The following GRAMD1B variants were observed in gnomAD, a reference collection of about 807,000 sequenced individuals.
GRAMD1B encodes the protein GRAM domain containing 1B, also known as protein Aster-B.
GRAMD1B carries 37 observed loss-of-function variants against 99.7 expected under a neutral mutation model. The ratio of observed to expected loss-of-function variants is 0.37; its 90% CI spans 0.29 to 0.49. The LOEUF (loss-of-function observed/expected upper bound fraction) is 0.49, where lower values mean the gene tolerates loss of function less well. Ranked by LOEUF, GRAMD1B falls within the 20% of genes least tolerant of loss-of-function variation. The probability of loss-of-function intolerance (pLI) is 0.98; values close to 1 mark genes in which losing one functional copy is unlikely to be tolerated. For synonymous variants in GRAMD1B, 427 were observed against 387.6 expected, an observed-to-expected ratio of 1.10 and a Z score of -1.19; for missense variants, 888 against 1,009.2, an observed-to-expected ratio of 0.88 and a Z score of 1.63.
At chr11:123,582,372 C>G (rs558593818) in intron 3 of GRAMD1B, among the ~76,000 whole-genome samples, 1 of 152,308 alleles carries the variant, frequency 6.6e-6, no homozygotes, top group Non-Finnish European at 1.5e-5. Flanking sequence ...GTGGCCGCAC[C>G]TTTGTCAGGA....
At chr11:123,551,832 A>G (rs1945644347) in intron 2 of GRAMD1B, among the ~76,000 whole-genome samples, 1 of 152,078 alleles carries the variant, frequency 6.6e-6, no homozygotes, top group Admixed American at 6.6e-5. Flanking sequence ...CCAGTAGGTG[A>G]GACTCTGAGT....
intron 1 of GRAMD1B, among the ~76,000 whole-genome samples, chr11:123,417,003 A>G (rs1948252499): frequency 6.6e-6 from 1 of 152,246 alleles, no homozygotes; most frequent in Admixed American, 6.5e-5. Flanking sequence ...AACCCTTGTA[A>G]TTCACTTATG....
At chr11:123,599,015 G>T in intron 7 of GRAMD1B, 1 of 1,106,832 alleles carries the variant, frequency 9.0e-7, no homozygotes, top group Non-Finnish European at 1.4e-6. Flanking sequence ...TGTACTTGAG[G>T]CAACAGTCAT....
chr11:123,466,613 T>C (rs1950695159), intron 1 of GRAMD1B, among the ~76,000 whole-genome samples: 1 of 152,128 alleles, frequency 6.6e-6, no homozygotes, highest in South Asian at 2.1e-4. Context: ...ATACTCTGCA[T>C]TGGGAAGCAA....
chr11:123,396,912 C>T (rs528837278), intron 1 of GRAMD1B, among the ~76,000 whole-genome samples: 1 of 152,232 alleles, frequency 6.6e-6, no homozygotes, highest in Non-Finnish European at 1.5e-5. Flanking sequence ...CTTGCAGAAT[C>T]TTAATTAATA....
chr11:123,383,593 G>C (rs1325347091), intron 1 of GRAMD1B, among the ~76,000 whole-genome samples: 1 of 151,990 alleles, frequency 6.6e-6, no homozygotes, highest in Non-Finnish European at 1.5e-5. Flanking sequence ...TGGGCTGTCG[G>C]TCACACCTAC....
At chr11:123,607,935 T>TGTGCCAGAAG (rs1306852562) in intron 11 of GRAMD1B, 2 of 153,634 alleles carry the variant, frequency 1.3e-5, no homozygotes, top group Non-Finnish European at 2.9e-5. Context: ...ATCTTCTGTA[T>TGTGCCAGAAG]ATGGACACAG....
chr11:123,586,710 G>A (rs1395060195), intron 4 of GRAMD1B, among the ~76,000 whole-genome samples: 1 of 152,208 alleles, frequency 6.6e-6, no homozygotes, highest in Non-Finnish European at 1.5e-5. Context: ...TGCCCCTGCT[G>A]CTTTGACCTG....
chr11:123,594,211 G>GC, intron 5 of GRAMD1B, 45 bp downstream of exon 5: 6 of 1,349,628 alleles, frequency 4.4e-6, no homozygotes, highest in Non-Finnish European at 5.3e-6. Flanking sequence ...AGTCTGGGGA[G>GC]CCCCCGGCAT....
intron 2 of GRAMD1B, among the ~76,000 whole-genome samples, chr11:123,484,198 T>C (rs1164851329): frequency 6.6e-6 from 1 of 152,178 alleles, no homozygotes; most frequent in Non-Finnish European, 1.5e-5. Flanking sequence ...CGTGATGTCT[T>C]TGCCTGCTCT....
Position 123,481,016 on chromosome 11 carries a change from C to T in GRAMD1B, c.452+123C>T, listed in dbSNP as rs1591659581. ...GTGGAAAACTGAAGAGGAATGGGAG[C>T]GCCTGAGACCTCTGTGCTTGACTGA... On this transcript the variant is annotated intron_variant, in intron 2 of 19. Transcript: ENST00000635736. 5 of 395,820 alleles carry T rather than the reference C, an allele frequency of 1.3e-5. No homozygotes were observed. The South Asian group carries it at 5.6e-4, about 44-fold the overall frequency. 24.5% of individuals were successfully genotyped at this position (395,820 alleles called of 1,614,324 possible). A position where few individuals can be genotyped will look rare whatever the true frequency, so the allele number is the denominator to read the frequency against.
At position 123,510,585 on chromosome 11, in the gene GRAMD1B, G is replaced by T. The variant is rs1267419339; in HGVS notation, c.452+29692G>T. Among the ~76,000 whole-genome samples the T allele has an allele frequency of 6.6e-6, 1 of 152,200 alleles. No homozygotes were observed. Among genetic ancestry groups the T allele is most frequent in the Non-Finnish European group, 1.5e-5 (1 of 68,036 alleles). ...TTTTCCCCAGCCTTCCAGAGGGGTG[G>T]TTTGTTCTCCGTGGGTGGACGTTTG... On this transcript the variant is annotated intron_variant, in intron 2 of 19. Coordinates refer to ENST00000635736, the MANE Select transcript of GRAMD1B (RefSeq NM_001387025.1). The surrounding 1 kb of genome is among the most constrained non-coding windows in gnomAD (Gnocchi z 4.3).
chr11:123,554,298 A>C (rs1945919800), intron 2 of GRAMD1B, among the ~76,000 whole-genome samples: 1 of 152,182 alleles, frequency 6.6e-6, no homozygotes, highest in South Asian at 2.1e-4. Context: ...TGTCCTACTC[A>C]TCTGAGTTTC....
intron 2 of GRAMD1B, among the ~76,000 whole-genome samples, chr11:123,513,272 C>T (rs1013806242): frequency 6.6e-6 from 1 of 152,174 alleles, no homozygotes; most frequent in Non-Finnish European, 1.5e-5. Flanking sequence ...ACAACATTCC[C>T]TATTAGACTC....
At chr11:123,544,580 T>G (rs914238711) in intron 2 of GRAMD1B, among the ~76,000 whole-genome samples, 1 of 152,234 alleles carries the variant, frequency 6.6e-6, no homozygotes, top group African/African-American at 2.4e-5. Flanking sequence ...AACACCCATT[T>G]CTTGCTAACT....
chr11:123,411,565 T>C (rs760360951), intron 1 of GRAMD1B, among the ~76,000 whole-genome samples: 17 of 152,180 alleles, frequency 1.1e-4, no homozygotes, highest in Non-Finnish European at 1.8e-4. Context: ...TTAAGTTACA[T>C]TCCCCCAGAG....
In GRAMD1B at chr11:123,619,146, G is replaced by A; in HGVS notation, c.2466G>A (p.Glu822=). The change falls in exon 19 of 20, where the codon GAG becomes GAA. Residue 822 remains glutamate (E), a synonymous_variant. Coordinates refer to ENST00000635736, the MANE Select transcript of GRAMD1B (RefSeq NM_001387025.1). ...QSQTEWAQLL[E]SQQKYHDTEL... The stretch of plus-strand genomic sequence containing the variant: ...AGACAGAATGGGCCCAGCTCTTAGA[G>A]TCCCAACAAAAGTACCACGATACTG... The A allele has an allele frequency of 1.9e-6, 3 of 1,569,568 alleles. No individual in the cohort carries two copies. Among genetic ancestry groups the A allele is most frequent in the Admixed American group, 1.9e-5 (1 of 53,398 alleles).
At chr11:123,584,233 C>A in intron 3 of GRAMD1B, 79 bp from the exon 4 acceptor site, 2 of 771,538 alleles carry the variant, frequency 2.6e-6, no homozygotes, top group Non-Finnish European at 4.5e-6. Flanking sequence ...CCTCCGCTGT[C>A]TGTGTGCCCT....
chr11:123,396,523 G>T (rs938072196), intron 1 of GRAMD1B, among the ~76,000 whole-genome samples: 1 of 152,050 alleles, frequency 6.6e-6, no homozygotes, highest in Non-Finnish European at 1.5e-5. Flanking sequence ...GGATCCGCCC[G>T]CCTCAGCCTC....
Sources: gnomAD v4.1 joint callset for allele counts (sites outside exome capture counted in the v4.1 genomes callset) on GRCh38, gnomAD v4.1.1 for gene constraint, Gnocchi (gnomAD v3.1) non-coding constraint, MANE v1.5 for transcripts, NCBI Gene and HGNC (gene_info 2026-07-23, HGNC 2026-07-21) for gene names.